The following DNM2 variants were observed in gnomAD, a reference collection of about 807,000 sequenced individuals.
DNM2 encodes the protein dynamin 2, also known as dynamin-2.
A neutral mutation model predicts 99.0 loss-of-function variants in DNM2; 15 were observed. The ratio of observed to expected loss-of-function variants is 0.15; its 90% CI spans 0.10 to 0.23. The LOEUF is 0.23. Ranked by LOEUF, DNM2 falls within the 10% of genes least tolerant of loss-of-function variation. DNM2 has a pLI of 1.00. For missense variants in DNM2, 742 were observed against 1,189.4 expected (o/e 0.62, Z 5.53); for synonymous variants, 525 against 481.2 (o/e 1.09, Z -1.19).
At chr19:10,746,422 T>G in intron 1 of DNM2, among the ~76,000 whole-genome samples, 1 of 151,818 alleles carries the variant, frequency 6.6e-6, no homozygotes, top group East Asian at 1.9e-4. Flanking sequence ...TTGTATCGAG[T>G]TTTCCTTTTT....
chr19:10,778,524 C>T lies in DNM2; in HGVS notation c.688+1308C>T, dbSNP rs566919953. Among the ~76,000 whole-genome samples, 7 of 152,162 alleles carry T rather than the reference C, an allele frequency of 4.6e-5. No individual in the cohort carries two copies. In the East Asian group the frequency reaches 9.7e-4, roughly 21 times the overall value. On this transcript the variant is annotated intron_variant, in intron 5 of 20. Transcript: ENST00000389253. The stretch of plus-strand genomic sequence containing the variant: ...AAAGTTAGCTGGGCATGGTGGCATA[C>T]ACCTATAGTCCCACCTACTTAAGAG...
chr19:10,803,699 T>C, intron 12 of DNM2: 2 of 986,366 alleles, frequency 2.0e-6, no homozygotes, highest in Non-Finnish European at 2.4e-6. Flanking sequence ...GCCTTTGCCC[T>C]GGTGTGTGAA....
intron 1 of DNM2, among the ~76,000 whole-genome samples, chr19:10,757,752 G>T (rs1242158874): frequency 6.6e-6 from 1 of 151,982 alleles, no homozygotes; most frequent in Non-Finnish European, 1.5e-5. Context: ...AGACCACTCT[G>T]GCCAACATAG....
At chr19:10,757,367 TC>T (rs928218336) in intron 1 of DNM2, among the ~76,000 whole-genome samples, 4 of 151,374 alleles carry the variant, frequency 2.6e-5, no homozygotes, top group Non-Finnish European at 5.9e-5. Context: ...AGAGCACATC[TC>T]CCCCCCGACG....
chr19:10,730,586 C>T (rs1430230731), intron 1 of DNM2, among the ~76,000 whole-genome samples: 1 of 152,128 alleles, frequency 6.6e-6, no homozygotes, highest in Non-Finnish European at 1.5e-5. Context: ...AGACTCACAG[C>T]CTGCCTGGGG....
chr19:10,758,180 C>G (rs1318997860), intron 1 of DNM2, among the ~76,000 whole-genome samples: 1 of 152,096 alleles, frequency 6.6e-6, no homozygotes, highest in Non-Finnish European at 1.5e-5. Flanking sequence ...AGGCTACTCC[C>G]TCTATCTTCT....
intron 14 of DNM2, chr19:10,808,807 T>G: frequency 2.1e-6 from 1 of 472,072 alleles, no homozygotes; most frequent in African/African-American, 2.0e-5. Context: ...GAAGGCGCAC[T>G]TCTGCAGCCA....
In DNM2 at chr19:10,731,073, C is replaced by T. The variant is rs533350989; in HGVS notation, c.161+12670C>T. On this transcript the variant is annotated intron_variant, in intron 1 of 20. Coordinates refer to ENST00000389253, the MANE Select transcript of DNM2 (RefSeq NM_001005361.3). ...GAGCTTCTCAGGGCTGCGATCCTGGCGGGCCAGTCAAGCGGGCAGGAGCAG... is the reference window on the plus strand; with the variant it reads ...GAGCTTCTCAGGGCTGCGATCCTGGTGGGCCAGTCAAGCGGGCAGGAGCAG... Among the ~76,000 whole-genome samples the T allele has an allele frequency of 2.6e-3, 392 of 152,260 alleles. 4 individuals carry two copies. Among genetic ancestry groups the T allele is most frequent in the African/African-American group, 8.3e-3 (347 of 41,572 alleles).
Position 10,830,448 on chromosome 19 carries a change from T to C in DNM2, c.2543+70T>C. The C allele has an allele frequency of 1.3e-6, 2 of 1,522,896 alleles. No individual in the cohort carries two copies. The highest frequency in any genetic ancestry group is 1.7e-5 in the Admixed American group (1 of 58,400). 94.3% of individuals were successfully genotyped at this position (1,522,896 alleles called of 1,614,324 possible). A position where few individuals can be genotyped will look rare whatever the true frequency, so the allele number is the denominator to read the frequency against. On this transcript the variant is annotated intron_variant, in intron 20 of 20. Transcript: ENST00000389253. This position sits in a 1 kb window ranked among gnomAD's most constrained non-coding sequence, Gnocchi z 4.8. ...GGGTCTCTCCTCCTGTCTCACTTCC[T>C]CCCAGTGAGCTCTCACTACGTGCCC...
In DNM2 at chr19:10,765,234, A is replaced by G. The variant is rs1443473940; in HGVS notation, c.235+5423A>G. 1.3e-5 allele frequency among the ~76,000 whole-genome samples: 2 copies of G among 152,178 alleles called. No homozygotes were observed. The highest frequency in any genetic ancestry group is 2.9e-5 in the Non-Finnish European group (2 of 68,028). On this transcript the variant is annotated intron_variant, in intron 2 of 20. Coordinates refer to ENST00000389253, the MANE Select transcript of DNM2 (RefSeq NM_001005361.3). This position sits in a 1 kb window ranked among gnomAD's most constrained non-coding sequence, Gnocchi z 4.4. Reference sequence around the variant, plus strand: ...CGGCCTCCCAAAGTGCTGGGATTACAGGCGTGAGCCACCACGCCCGGCCTG... The same window carrying G: ...CGGCCTCCCAAAGTGCTGGGATTACGGGCGTGAGCCACCACGCCCGGCCTG...
chr19:10,718,210 C>T lies in DNM2; in HGVS notation c.-33C>T, dbSNP rs1469720815. The T allele has an allele frequency of 2.1e-6, 3 of 1,443,436 alleles. No individual in the cohort carries two copies. The highest frequency in any genetic ancestry group is 3.1e-5 in the East Asian group (1 of 32,166). The allele number at this position is 1,443,436 out of a possible 1,614,324, so 89.4% of individuals were successfully genotyped here. ...TTGAGGGTCGGCGGCGGGCGAGGAG[C>T]GCAGGGCGCTCGGGCCGGGGGCCGC... On this transcript the variant is annotated 5_prime_UTR_variant, in exon 1 of 21. Coordinates refer to ENST00000389253, the MANE Select transcript of DNM2 (RefSeq NM_001005361.3).
intron 3 of DNM2, among the ~76,000 whole-genome samples, chr19:10,773,257 C>T (rs1195983390): frequency 2.6e-5 from 4 of 151,392 alleles, no homozygotes; most frequent in Non-Finnish European, 5.9e-5. Flanking sequence ...AAGCTATTCT[C>T]CTGCCTCAGC....
intron 7 of DNM2, among the ~76,000 whole-genome samples, chr19:10,788,655 G>C (rs1242205085): frequency 2.0e-5 from 3 of 152,180 alleles, no homozygotes; most frequent in African/African-American, 7.2e-5. Flanking sequence ...CTTGGTTGGT[G>C]CAGCTGCTTA....
rs1254050476 is a variant in DNM2 at position 10,795,875 on chromosome 19, C to T, written c.1196+436C>T. 3 of 891,080 alleles carry T rather than the reference C, an allele frequency of 3.4e-6. No homozygotes were observed. The African/African-American group carries it at 4.9e-5, about 15-fold the overall frequency. The allele number at this position is 891,080 out of a possible 1,614,324, so 55.2% of individuals were successfully genotyped here. On this transcript the variant is annotated intron_variant, in intron 9 of 20. Transcript: ENST00000389253. This position sits in a 1 kb window ranked among gnomAD's most constrained non-coding sequence, Gnocchi z 4.2. The stretch of plus-strand genomic sequence containing the variant: ...AAGGTAGTTGCTCCAGGTGTCTGCC[C>T]TTCCATCGCCGTGGGGTCCTCGGGT...
At chr19:10,729,161 T>A in intron 1 of DNM2, among the ~76,000 whole-genome samples, 5 of 19,340 alleles carry the variant, frequency 2.6e-4, no homozygotes, top group African/African-American at 1.1e-3. Flanking sequence ...CGAGACTCCG[T>A]CTCAAAAAAA....
At chr19:10,752,440 C>T (rs186841067) in intron 1 of DNM2, among the ~76,000 whole-genome samples, 28 of 152,328 alleles carry the variant, frequency 1.8e-4, no homozygotes, top group Admixed American at 1.6e-3. Flanking sequence ...GCGCTGGTGG[C>T]GTCTGGGGCA....
At chr19:10,788,721 C>A (rs1225741907) in intron 7 of DNM2, among the ~76,000 whole-genome samples, 1 of 152,210 alleles carries the variant, frequency 6.6e-6, no homozygotes, top group African/African-American at 2.4e-5. Flanking sequence ...CACTCGGGGA[C>A]TCTTCTGCCT....
intron 19 of DNM2, 59 bp downstream of exon 19, chr19:10,829,327 T>C: frequency 1.3e-6 from 2 of 1,582,074 alleles, no homozygotes; most frequent in East Asian, 2.2e-5. Context: ...CTGCCCTCCC[T>C]GTGTGTCCTG....
Position 10,796,246 on chromosome 19 carries a change from G to A in DNM2, c.1196+807G>A, listed in dbSNP as rs750003938. On this transcript the variant is annotated intron_variant, in intron 9 of 20. Transcript: ENST00000389253. The surrounding 1 kb of genome is among the most constrained non-coding windows in gnomAD (Gnocchi z 5.6). The stretch of plus-strand genomic sequence containing the variant: ...GACTCCTGACCTTGTGGAAACGGGG[G>A]TACGGGGGTTTGGTATCAGGCTCCC... 1.2e-6 allele frequency: 2 copies of A among 1,612,978 alleles called. No individual in the cohort carries two copies. The highest frequency in any genetic ancestry group is 1.1e-5 in the South Asian group (1 of 90,994).
Sources: gnomAD v4.1 joint callset for allele counts (sites outside exome capture counted in the v4.1 genomes callset) on GRCh38, gnomAD v4.1.1 for gene constraint, Gnocchi (gnomAD v3.1) non-coding constraint, MANE v1.5 for transcripts, NCBI Gene and HGNC (gene_info 2026-07-23, HGNC 2026-07-21) for gene names.